AGFG2: variants seen among roughly 807,000 people sequenced by gnomAD.
AGFG2 encodes the protein arf-GAP domain and FG repeat-containing protein 2.
AGFG2 carries 31 observed loss-of-function variants against 48.0 expected under a neutral mutation model. The ratio of observed to expected loss-of-function variants is 0.65; its 90% CI spans 0.49 to 0.87. The LOEUF (loss-of-function observed/expected upper bound fraction) is 0.87, where lower values mean the gene tolerates loss of function less well. Ranked by LOEUF, AGFG2 falls within the 40% of genes least tolerant of loss-of-function variation. The pLI, the probability that AGFG2 is intolerant of heterozygous loss-of-function variation, is 0.00. For synonymous variants in AGFG2, 229 were observed against 260.8 expected (o/e 0.88, Z 1.18); for missense variants, 599 against 632.6 (o/e 0.95, Z 0.57).
chr7:100,546,278 C>G lies in AGFG2; in HGVS notation c.222-2544C>G, dbSNP rs77600299. 9.2e-4 allele frequency among the ~76,000 whole-genome samples: 140 copies of G among 152,112 alleles called. 1 individual carries two copies. The highest frequency in any genetic ancestry group is 3.2e-3 in the African/African-American group (131 of 41,452). On this transcript the variant is annotated intron_variant, in intron 1 of 11. Transcript: ENST00000300176. ...CTGGGTTGAGTCCTGCCTCCTCCCCCTAACAAGGAAGCATACCTCCCTGTT... is the reference window on the plus strand; with the variant it reads ...CTGGGTTGAGTCCTGCCTCCTCCCCGTAACAAGGAAGCATACCTCCCTGTT...
intron 6 of AGFG2, among the ~76,000 whole-genome samples, chr7:100,559,296 C>T (rs1800818318): frequency 6.6e-6 from 1 of 152,116 alleles, no homozygotes; most frequent in African/African-American, 2.4e-5. Context: ...TGATAATTGG[C>T]AGAACCGCTT....
chr7:100,565,088 T>C lies in AGFG2; in HGVS notation c.*97T>C, dbSNP rs1342494191. The C allele has an allele frequency of 2.2e-6, 3 of 1,367,688 alleles. No homozygotes were observed. The African/African-American group carries it at 4.3e-5, about 20-fold the overall frequency. 84.7% of individuals were successfully genotyped at this position (1,367,688 alleles called of 1,614,324 possible). On this transcript the variant is annotated 3_prime_UTR_variant, in exon 12 of 12. Transcript: ENST00000300176. ...TGCCTGTGGGCATTTCTATGGGCCT[T>C]GGGGATGGTGGAGGTGCTAATGCTT...
At chr7:100,561,061 C>T (rs550713340) in intron 6 of AGFG2, among the ~76,000 whole-genome samples, 5 of 149,782 alleles carry the variant, frequency 3.3e-5, no homozygotes, top group Admixed American at 6.7e-5. Context: ...CCTCGTGATC[C>T]GCCCTCCTCG....
At chr7:100,564,521 C>CTTT (rs1246687723) in intron 11 of AGFG2, among the ~76,000 whole-genome samples, 2 of 140,836 alleles carry the variant, frequency 1.4e-5, no homozygotes, top group Admixed American at 7.1e-5. Flanking sequence ...CCTCACTTTC[C>CTTT]TTTTTTTTTT....
At position 100,548,905 on chromosome 7, in the gene AGFG2, G is replaced by A. The variant is rs189195016; in HGVS notation, c.305G>A (p.Arg102His). 22 of 1,613,304 alleles carry A rather than the reference G, an allele frequency of 1.4e-5. No homozygotes were observed. Among genetic ancestry groups the A allele is most frequent in the African/African-American group, 2.7e-5 (2 of 74,972 alleles). Reference protein sequence around the residue: ...TEPEVVFLQSRGNEVCRKIWL... With the variant: ...TEPEVVFLQSHGNEVCRKIWL... ...CCTGAAGTAGTATTCCTGCAATCCC[G>A]TGGAAATGAGGTGAGCTGCCACCGA... The change falls in exon 2 of 12, where the codon CGT becomes CAT. Residue 102 changes from arginine to histidine, a missense_variant. By Grantham distance (29) the Arg-to-His change is conservative (BLOSUM62 0). Coordinates refer to ENST00000300176, the MANE Select transcript of AGFG2 (RefSeq NM_006076.5).
intron 1 of AGFG2, among the ~76,000 whole-genome samples, chr7:100,547,450 C>T (rs1321283929): frequency 2.0e-5 from 3 of 151,564 alleles, no homozygotes; most frequent in Non-Finnish European, 4.4e-5. Context: ...GAGGCCTCAT[C>T]TGCTGAGACT....
At chr7:100,547,653 C>A (rs752768674) in intron 1 of AGFG2, among the ~76,000 whole-genome samples, 1 of 152,086 alleles carries the variant, frequency 6.6e-6, no homozygotes, top group Non-Finnish European at 1.5e-5. Flanking sequence ...GACAAGGAAG[C>A]CTTCTCTTCT....
At position 100,561,410 on chromosome 7, in the gene AGFG2, A is replaced by T. The variant is rs368642089; in HGVS notation, c.878-849A>T. ...TGAAAGTATTGGGATTACAGGCATG[A>T]ACTGCCGCGTCCTGTCAATAAAGCC... On this transcript the variant is annotated intron_variant, in intron 6 of 11. Transcript: ENST00000300176. Among the ~76,000 whole-genome samples the T allele has an allele frequency of 3.5e-3, 539 of 152,278 alleles. 2 individuals carry two copies. The highest frequency in any genetic ancestry group is 0.013 in the African/African-American group (520 of 41,546).
chr7:100,541,969 C>G (rs555094453), intron 1 of AGFG2, among the ~76,000 whole-genome samples: 17 of 152,108 alleles, frequency 1.1e-4, no homozygotes, highest in Non-Finnish European at 2.2e-4. Flanking sequence ...ACCCCTCAAT[C>G]AGGACACAAA....
At chr7:100,556,019 G>A (rs1800753239) in intron 6 of AGFG2, 1 of 309,164 alleles carries the variant, frequency 3.2e-6, no homozygotes, top group African/African-American at 2.1e-5. Flanking sequence ...GAAGACCTGA[G>A]TCCTAGAAAA....
chr7:100,550,681 T>G (rs1039095586), intron 3 of AGFG2, among the ~76,000 whole-genome samples, 170 bp downstream of exon 3: 1 of 152,086 alleles, frequency 6.6e-6, no homozygotes, highest in African/African-American at 2.4e-5. Context: ...AAGGACAACT[T>G]GTTCTCAGTC....
intron 6 of AGFG2, among the ~76,000 whole-genome samples, chr7:100,557,037 A>G (rs971280943): frequency 2.0e-5 from 3 of 151,964 alleles, no homozygotes; most frequent in African/African-American, 7.3e-5. Context: ...GTCTCTACTC[A>G]AAATACAAAA....
rs1419651946 is a variant in AGFG2, at chr7:100,567,184, C to T, written c.*2193C>T. 1 of 152,608 alleles carries T rather than the reference C, an allele frequency of 6.6e-6. No homozygotes were observed. Among genetic ancestry groups the T allele is most frequent in the African/African-American group, 2.4e-5 (1 of 41,442 alleles). 9.5% of individuals were successfully genotyped at this position (152,608 alleles called of 1,614,324 possible). On this transcript the variant is annotated 3_prime_UTR_variant, in exon 12 of 12. Coordinates refer to ENST00000300176, the MANE Select transcript of AGFG2 (RefSeq NM_006076.5). ...CAGGTCAGCCTCGGGCCCCAGGGTT[C>T]CCTGGGCACAGGCTGACACTAGGAG...
In AGFG2 at chr7:100,554,131, G is replaced by A. The variant is rs1448215683; in HGVS notation, c.624G>A (p.Arg208=). Residue 208 remains arginine, a synonymous_variant, in exon 5 of 12, where the codon CGG becomes CGA. Coordinates refer to ENST00000300176, the MANE Select transcript of AGFG2 (RefSeq NM_006076.5). ...SQSHARTSQA[R]STQPPPHSSV... ...CTCACGCTCGGACATCCCAGGCCCG[G>A]AGCACTCAGCCACCTCCCCACTCCT... The A allele has an allele frequency of 9.9e-6, 16 of 1,613,972 alleles. No individual in the cohort carries two copies. Among genetic ancestry groups the A allele is most frequent in the African/African-American group, 2.7e-5 (2 of 74,916 alleles).
At position 100,566,081 on chromosome 7, in the gene AGFG2, C is replaced by G. The variant is rs1421380305; in HGVS notation, c.*1090C>G. ...TGATCCTTGACCTGGCTCTGCTGGGCTGGACTGCCTGGGCCAGTGATAATG... is the reference window on the plus strand; with the variant it reads ...TGATCCTTGACCTGGCTCTGCTGGGGTGGACTGCCTGGGCCAGTGATAATG... On this transcript the variant is annotated 3_prime_UTR_variant, in exon 12 of 12. Coordinates refer to ENST00000300176, the MANE Select transcript of AGFG2 (RefSeq NM_006076.5). 6.6e-6 allele frequency: 1 copy of G among 152,464 alleles called. No individual in the cohort carries two copies. Among genetic ancestry groups the G allele is most frequent in the Non-Finnish European group, 1.5e-5 (1 of 68,052 alleles). The allele number at this position is 152,464 out of a possible 1,614,324, so 9.4% of individuals were successfully genotyped here. A position where few individuals can be genotyped will look rare whatever the true frequency, so the allele number is the denominator to read the frequency against.
chr7:100,557,649 G>A (rs887646814), intron 6 of AGFG2, among the ~76,000 whole-genome samples: 10 of 151,978 alleles, frequency 6.6e-5, no homozygotes, highest in African/African-American at 1.9e-4. Flanking sequence ...TGGCTAGGCC[G>A]GTCTCAATCT....
rs1800977286 is a variant in AGFG2 at position 100,565,095 on chromosome 7, G to A, written c.*104G>A. The stretch of plus-strand genomic sequence containing the variant: ...GGGCATTTCTATGGGCCTTGGGGAT[G>A]GTGGAGGTGCTAATGCTTTGCTTGG... On this transcript the variant is annotated 3_prime_UTR_variant, in exon 12 of 12. Coordinates refer to ENST00000300176, the MANE Select transcript of AGFG2 (RefSeq NM_006076.5). The A allele has an allele frequency of 7.6e-7, 1 of 1,319,262 alleles. No individual in the cohort carries two copies. The highest frequency in any genetic ancestry group is 1.1e-6 in the Non-Finnish European group (1 of 914,288). 81.7% of individuals were successfully genotyped at this position (1,319,262 alleles called of 1,614,324 possible). A position where few individuals can be genotyped will look rare whatever the true frequency, so the allele number is the denominator to read the frequency against.
rs1166160415 is a variant in AGFG2, at chr7:100,539,208, A to G, written c.-139A>G. On this transcript the variant is annotated 5_prime_UTR_variant, in exon 1 of 12. Transcript: ENST00000300176. ...GCAGGACGGGCAAGGAGGGTGGTGG[A>G]CGGCGAAGTCTCCTGCGGATGCCGC... is the stretch of plus-strand genomic sequence containing the variant. The G allele has an allele frequency of 9.8e-6, 8 of 818,616 alleles. No individual in the cohort carries two copies. The highest frequency in any genetic ancestry group is 1.3e-5 in the Non-Finnish European group (8 of 600,246). The allele number at this position is 818,616 out of a possible 1,614,324, so 50.7% of individuals were successfully genotyped here.
chr7:100,549,702 T>C (rs984621865), intron 2 of AGFG2, among the ~76,000 whole-genome samples: 1 of 152,064 alleles, frequency 6.6e-6, no homozygotes, highest in Admixed American at 6.6e-5. Context: ...TTTATTTATT[T>C]ATCAGAGACA....
Sources: gnomAD v4.1 joint callset for allele counts (sites outside exome capture counted in the v4.1 genomes callset) on GRCh38, gnomAD v4.1.1 for gene constraint, MANE v1.5 for transcripts, NCBI Gene and HGNC (gene_info 2026-07-23, HGNC 2026-07-21) for gene names.